Variants in ACSS2 observed in about 807,000 individuals in gnomAD.
The protein encoded by ACSS2 is acyl-CoA synthetase short chain family member 2.
ACSS2 carries 58 observed loss-of-function variants against 90.6 expected under a neutral mutation model. That is an observed-to-expected ratio of 0.64 (90% CI 0.52 to 0.80). The LOEUF (loss-of-function observed/expected upper bound fraction) is 0.80, where lower values mean the gene tolerates loss of function less well. Ranked by LOEUF, ACSS2 falls within the 30% of genes least tolerant of loss-of-function variation. ACSS2 has a pLI of 0.00. For missense variants in ACSS2, 759 were observed against 912.0 expected, an observed-to-expected ratio of 0.83 and a Z score of 2.16; for synonymous variants, 300 against 330.9, an observed-to-expected ratio of 0.91 and a Z score of 1.01.
intron 2 of ACSS2, among the ~76,000 whole-genome samples, chr20:34,912,222 A>T (rs2080976223): frequency 6.6e-6 from 1 of 152,254 alleles, no homozygotes; most frequent in East Asian, 1.9e-4. Context: ...AAAGCCTAGG[A>T]AGGAGTGGGA....
At chr20:34,877,463 TG>T (rs2079944301) in intron 1 of ACSS2, among the ~76,000 whole-genome samples, 2 of 152,156 alleles carry the variant, frequency 1.3e-5, no homozygotes, top group African/African-American at 4.8e-5. Flanking sequence ...TAACTTGGGC[TG>T]GGATTGTATT....
intron 2 of ACSS2, among the ~76,000 whole-genome samples, chr20:34,905,145 T>C (rs2080766386): frequency 6.6e-6 from 1 of 152,186 alleles, no homozygotes; most frequent in African/African-American, 2.4e-5. Context: ...CTTGAACTCC[T>C]GTCCTCAAAC....
rs1323790761 is a variant in ACSS2 at position 34,921,885 on chromosome 20, G to A, written c.1548+19G>A. 1 of 1,605,830 alleles carries A rather than the reference G, an allele frequency of 6.2e-7. No homozygotes were observed. Among genetic ancestry groups the A allele is most frequent in the South Asian group, 1.1e-5 (1 of 89,814 alleles). On this transcript the variant is annotated intron_variant, in intron 13 of 17. Transcript: ENST00000360596. ...TTATCTGGTGAGGCCCTGGCCCTTGGGAGTCTTTAAGGAGAGAGGGAAAGG... is the reference window on the plus strand; with the variant it reads ...TTATCTGGTGAGGCCCTGGCCCTTGAGAGTCTTTAAGGAGAGAGGGAAAGG...
intron 1 of ACSS2, among the ~76,000 whole-genome samples, chr20:34,877,909 C>CAGATAGACAGATAGATAGAT (rs1555878359): frequency 2.0e-5 from 3 of 146,630 alleles, no homozygotes; most frequent in East Asian, 2.0e-4. Flanking sequence ...GATAGATAGA[C>CAGATAGACAGATAGATAGAT]AGATAGATAG....
intron 2 of ACSS2, among the ~76,000 whole-genome samples, chr20:34,899,547 T>C (rs551988368): frequency 2.6e-5 from 4 of 151,300 alleles, no homozygotes; most frequent in Non-Finnish European, 1.5e-5. Flanking sequence ...TGGAGTGCAA[T>C]GGCATGATCT....
intron 2 of ACSS2, among the ~76,000 whole-genome samples, chr20:34,884,294 G>C (rs902249438): frequency 6.6e-6 from 1 of 152,158 alleles, no homozygotes; most frequent in Non-Finnish European, 1.5e-5. Context: ...GAGCAGCTTG[G>C]ATGCTTCATG....
chr20:34,895,088 C>T (rs1051780729), intron 2 of ACSS2, among the ~76,000 whole-genome samples: 6 of 152,026 alleles, frequency 3.9e-5, no homozygotes, highest in African/African-American at 1.2e-4. Context: ...AGATTAATAA[C>T]CTTAAACTCT....
intron 2 of ACSS2, among the ~76,000 whole-genome samples, chr20:34,892,378 T>C (rs960912424): frequency 3.3e-5 from 5 of 152,162 alleles, no homozygotes; most frequent in Non-Finnish European, 4.4e-5. Context: ...ATCTTGAACC[T>C]CTGAGAATTC....
rs2081032341 is a variant in ACSS2, at chr20:34,914,326, T to A, written c.723T>A (p.Gly241=). 5.0e-6 allele frequency: 8 copies of A among 1,612,622 alleles called. No homozygotes were observed. The highest frequency in any genetic ancestry group is 6.8e-6 in the Non-Finnish European group (8 of 1,179,294). ...DEALQKCQEK[G]FPVRCCIVVK... Reference sequence around the variant, plus strand: ...TTTAGGCTTTTCTCTTCTCCAGGGGTTTCCCAGTAAGATGCTGCATTGTGG... The same window carrying A: ...TTTAGGCTTTTCTCTTCTCCAGGGGATTCCCAGTAAGATGCTGCATTGTGG... Residue 241 remains glycine, a synonymous_variant, in exon 7 of 18, where the codon GGT becomes GGA. Transcript: ENST00000360596.
Position 34,913,122 on chromosome 20 carries a change from C to T in ACSS2, c.401C>T (p.Thr134Ile). ...YWEGNEPGET[T>I]QITYHQLLVQ... is the part of the protein sequence containing the mutation. ...GAGGGCAATGAGCCAGGGGAGACCA[C>T]TCAGATCACATACCATCAGCTTCTG... is the stretch of plus-strand genomic sequence containing the variant. Residue 134 changes from threonine to isoleucine, a missense_variant, in exon 3 of 18, where the codon ACT becomes ATT. By Grantham distance (89) the Thr-to-Ile change is moderately conservative. Coordinates refer to ENST00000360596, the MANE Select transcript of ACSS2 (RefSeq NM_018677.4). 2 of 1,614,162 alleles carry T rather than the reference C, an allele frequency of 1.2e-6. No individual in the cohort carries two copies. The highest frequency in any genetic ancestry group is 1.7e-6 in the Non-Finnish European group (2 of 1,180,032).
Position 34,906,748 on chromosome 20 carries a change from C to T in ACSS2, c.375-6348C>T, listed in dbSNP as rs923817179. On this transcript the variant is annotated intron_variant, in intron 2 of 17. Coordinates refer to ENST00000360596, the MANE Select transcript of ACSS2 (RefSeq NM_018677.4). ...CTGTAATCCCAGCACTTTGGGAGGC[C>T]GAGGCAGGCGGATCACCTGAGGTCA... Among the ~76,000 whole-genome samples the T allele has an allele frequency of 4.6e-5, 7 of 151,990 alleles. No homozygotes were observed. In the East Asian group the frequency reaches 5.8e-4, roughly 13 times the overall value.
intron 2 of ACSS2, among the ~76,000 whole-genome samples, chr20:34,887,841 C>T (rs111247459): frequency 7.2e-5 from 11 of 152,038 alleles, no homozygotes; most frequent in African/African-American, 2.2e-4. Flanking sequence ...GAGGCTGAGG[C>T]GGGCGGATCA....
chr20:34,879,862 G>A (rs938957917), intron 1 of ACSS2, among the ~76,000 whole-genome samples: 8 of 152,154 alleles, frequency 5.3e-5, no homozygotes, highest in Admixed American at 1.3e-4. Context: ...TTGTACTCTC[G>A]TTATTAGCTG....
intron 2 of ACSS2, chr20:34,912,341 A>C (rs1601351186): frequency 6.6e-6 from 1 of 152,352 alleles, no homozygotes; most frequent in Non-Finnish European, 1.5e-5. Flanking sequence ...ACTGGAGTGC[A>C]GTAGTGTGAT....
intron 7 of ACSS2, chr20:34,915,285 C>T (rs750909025): frequency 1.4e-5 from 23 of 1,613,486 alleles, no homozygotes; most frequent in South Asian, 9.9e-5. Context: ...CCGTGGGCAC[C>T]GCTTCTCTGT....
chr20:34,881,714 T>A (rs2080075590), intron 1 of ACSS2, among the ~76,000 whole-genome samples: 2 of 152,358 alleles, frequency 1.3e-5, no homozygotes, highest in South Asian at 4.1e-4. Flanking sequence ...GAAGTTTAGA[T>A]CTTGACTTAG....
At position 34,921,490 on chromosome 20, in the gene ACSS2, C is replaced by T. The variant is rs1242003519; in HGVS notation, c.1410+28C>T. On this transcript the variant is annotated intron_variant, in intron 11 of 17. Coordinates refer to ENST00000360596, the MANE Select transcript of ACSS2 (RefSeq NM_018677.4). ...GAGTGAAGGGTACAGAAGGCTGGGG[C>T]CCAGGGACAATGTGGGAAGATTGAC... is the stretch of plus-strand genomic sequence containing the variant. The T allele has an allele frequency of 6.8e-6, 11 of 1,614,058 alleles. No individual in the cohort carries two copies. The Admixed American group carries it at 1.5e-4, about 22-fold the overall frequency.
intron 2 of ACSS2, among the ~76,000 whole-genome samples, chr20:34,906,609 C>T (rs535849058): frequency 2.2e-4 from 34 of 152,204 alleles, no homozygotes; most frequent in Admixed American, 1.4e-3. Flanking sequence ...ATAGGTTGTG[C>T]TTATTTCTTC....
At chr20:34,898,505 T>A (rs2080526390) in intron 2 of ACSS2, among the ~76,000 whole-genome samples, 1 of 151,834 alleles carries the variant, frequency 6.6e-6, no homozygotes, top group Non-Finnish European at 1.5e-5. Context: ...TGCTGATTGG[T>A]GTGTTCACAA....
Sources: allele counts gnomAD v4.1 joint callset (sites outside exome capture counted in the v4.1 genomes callset), GRCh38; gene constraint gnomAD v4.1.1; transcripts MANE v1.5; gene names NCBI Gene and HGNC (gene_info 2026-07-23, HGNC 2026-07-21).